Variants in CPNE4 observed in about 807,000 individuals in gnomAD.
The protein encoded by CPNE4 is copine 4.
Under a neutral mutation model 67.9 loss-of-function variants are expected in CPNE4, and 25 were observed. The observed-to-expected ratio is 0.37, with a 90% CI of 0.27 to 0.51. The LOEUF is 0.51. CPNE4 is among the 20% of genes least tolerant of loss of function. CPNE4 has a pLI of 0.93. For synonymous variants in CPNE4, 242 were observed against 244.9 expected (o/e 0.99, Z 0.11); for missense variants, 464 against 690.8 (o/e 0.67, Z 3.68).
intron 2 of CPNE4, among the ~76,000 whole-genome samples, chr3:131,855,696 T>C (rs2086415479): frequency 6.6e-6 from 1 of 151,686 alleles, no homozygotes; most frequent in Non-Finnish European, 1.5e-5. Flanking sequence ...TAACCGTGCC[T>C]TGTGAGGGTG....
intron 7 of CPNE4, among the ~76,000 whole-genome samples, chr3:131,636,222 G>A (rs1042030579): frequency 6.6e-6 from 1 of 152,174 alleles, no homozygotes. Context: ...TGGCAGGGAG[G>A]CTTGTGGTCT....
chr3:131,697,561 A>C (rs1452465019), intron 4 of CPNE4, among the ~76,000 whole-genome samples: 1 of 152,190 alleles, frequency 6.6e-6, no homozygotes, highest in East Asian at 1.9e-4. Context: ...AATTATTTAC[A>C]CTTAATCTTA....
At chr3:131,928,212 G>A (rs762063977) in intron 1 of CPNE4, among the ~76,000 whole-genome samples, 9 of 151,908 alleles carry the variant, frequency 5.9e-5, no homozygotes, top group African/African-American at 7.3e-5. Flanking sequence ...TGATATCGCT[G>A]TTCAAAATCC....
At chr3:131,588,413 C>T (rs928230687) in intron 7 of CPNE4, among the ~76,000 whole-genome samples, 1 of 152,148 alleles carries the variant, frequency 6.6e-6, no homozygotes, top group Admixed American at 6.5e-5. Flanking sequence ...ATCATTGCTA[C>T]ATCTTAAGCC....
At chr3:131,824,647 T>C (rs6767845) in intron 2 of CPNE4, among the ~76,000 whole-genome samples, 4,810 of 152,052 alleles carry the variant, frequency 0.032, 180 homozygotes, top group South Asian at 0.095. Context: ...ATCAGCAAGT[T>C]GTATAAATGA....
At chr3:131,848,956 C>CAAAAAAAAAAAAAAAAAAAA (rs67407668) in intron 2 of CPNE4, among the ~76,000 whole-genome samples, 1 of 79,636 alleles carries the variant, frequency 1.3e-5, no homozygotes, top group African/African-American at 6.9e-5. Context: ...GTAGTGATTA[C>CAAAAAAAAAAAAAAAAAAAA]AAAAAAAAAA....
chr3:131,696,503 T>C (rs1323682982), intron 5 of CPNE4, 39 bp downstream of exon 5: 2 of 1,573,594 alleles, frequency 1.3e-6, no homozygotes, highest in African/African-American at 2.7e-5. Flanking sequence ...GTGCTAGCTT[T>C]GTTACTTCCT....
intron 2 of CPNE4, among the ~76,000 whole-genome samples, chr3:131,729,592 T>C (rs762508556): frequency 6.6e-6 from 1 of 152,218 alleles, no homozygotes; most frequent in African/African-American, 2.4e-5. Context: ...GATAGGTTGG[T>C]GCTGATGAGA....
chr3:131,708,704 G>A lies in CPNE4; in HGVS notation c.361-8724C>T, dbSNP rs371846725. Among the ~76,000 whole-genome samples, 5 of 151,924 alleles carry A rather than the reference G, an allele frequency of 3.3e-5. No homozygotes were observed. The East Asian group carries it at 7.8e-4, about 24-fold the overall frequency. On this transcript the variant is annotated intron_variant, in intron 3 of 15. Transcript: ENST00000429747. ...GGGGATGGCGAAGGCTCTGTGGGGG[G>A]ACATTCAACTAGGACAGAGGCTGTA...
chr3:131,735,060 C>T (rs1045038397), intron 2 of CPNE4, among the ~76,000 whole-genome samples: 2 of 152,200 alleles, frequency 1.3e-5, no homozygotes, highest in African/African-American at 4.8e-5. Context: ...TAGGGCCCAG[C>T]ACTTCAGCAT....
At chr3:132,035,765 T>G (rs1469272758), upstream of CPNE4, among the ~76,000 whole-genome samples, 2 of 152,186 alleles carry the variant, frequency 1.3e-5, no homozygotes, top group African/African-American at 4.8e-5. Flanking sequence ...AACTAAATTC[T>G]CTCTGCACAT....
intron 2 of CPNE4, among the ~76,000 whole-genome samples, chr3:131,754,640 T>A (rs1169146818): frequency 6.6e-6 from 1 of 152,164 alleles, no homozygotes; most frequent in Non-Finnish European, 1.5e-5. Context: ...AGGGACCATG[T>A]TGTATTAAAA....
intron 2 of CPNE4, among the ~76,000 whole-genome samples, chr3:131,840,241 A>G (rs1242361204): frequency 6.6e-6 from 1 of 152,138 alleles, no homozygotes; most frequent in Non-Finnish European, 1.5e-5. Context: ...TCCATTAGTC[A>G]TTTGGATCAT....
Position 131,751,846 on chromosome 3 carries a change from A to G in CPNE4, c.181-28221T>C, listed in dbSNP as rs78305345. On this transcript the variant is annotated intron_variant, in intron 2 of 15. Transcript: ENST00000429747. ...AAAGCAGGGGAACTGCCTCATTACT[A>G]CAGGTGAAGATAGAAGTCCAAATTC... Among the ~76,000 whole-genome samples, 420 of 150,994 alleles carry G rather than the reference A, an allele frequency of 2.8e-3. 2 individuals carry two copies. Among genetic ancestry groups the G allele is most frequent in the Admixed American group, 6.2e-3 (93 of 15,108 alleles).
chr3:131,801,452 G>GTGTGTGTGTGTA (rs761978890), intron 2 of CPNE4, among the ~76,000 whole-genome samples: 5 of 53,352 alleles, frequency 9.4e-5, no homozygotes, highest in East Asian at 5.2e-4. Context: ...GTGTGTGTGT[G>GTGTGTGTGTGTA]TATATATATA....
intron 1 of CPNE4, among the ~76,000 whole-genome samples, chr3:131,947,694 C>T (rs1232018906): frequency 6.6e-6 from 1 of 152,164 alleles, no homozygotes; most frequent in African/African-American, 2.4e-5. Flanking sequence ...CTGCAATAAA[C>T]ATACGTGTGC....
chr3:131,932,683 A>G (rs962977348), intron 1 of CPNE4, among the ~76,000 whole-genome samples: 1 of 151,950 alleles, frequency 6.6e-6, no homozygotes, highest in African/African-American at 2.4e-5. Flanking sequence ...AAGAGCACGC[A>G]CTGGGAGGCC....
intron 1 of CPNE4, among the ~76,000 whole-genome samples, chr3:131,959,640 T>C (rs2072106623): frequency 6.6e-6 from 1 of 152,182 alleles, no homozygotes; most frequent in Non-Finnish European, 1.5e-5. Flanking sequence ...TATATTTATC[T>C]TCCACTCAGT....
chr3:131,597,415 C>T (rs768911650), intron 7 of CPNE4, among the ~76,000 whole-genome samples: 3 of 152,020 alleles, frequency 2.0e-5, no homozygotes, highest in African/African-American at 4.8e-5. Flanking sequence ...ACCTATGTAA[C>T]AAAACTGCAC....
Sources: gnomAD v4.1 joint callset for allele counts (sites outside exome capture counted in the v4.1 genomes callset) on GRCh38, gnomAD v4.1.1 for gene constraint, MANE v1.5 for transcripts, NCBI Gene and HGNC (gene_info 2026-07-23, HGNC 2026-07-21) for gene names.